RPL4: variants seen among roughly 807,000 people sequenced by gnomAD.
RPL4 encodes the protein large ribosomal subunit protein uL4.
A neutral mutation model predicts 47.7 loss-of-function variants in RPL4; 3 were observed. That is an observed-to-expected ratio of 0.06 (90% CI 0.03 to 0.16). The LOEUF is 0.16. Ranked by LOEUF, RPL4 falls within the 10% of genes least tolerant of loss-of-function variation. The pLI is 1.00. For synonymous variants in RPL4, 208 were observed against 182.1 expected (o/e 1.14, Z -1.15); for missense variants, 413 against 551.3 (o/e 0.75, Z 2.51).
At position 66,502,667 on chromosome 15, in the gene RPL4, G is replaced by A. The variant is rs746237677; in HGVS notation, c.366C>T (p.Tyr122=). The change falls in exon 4 of 10, where the codon TAC becomes TAT. Residue 122 remains tyrosine, a synonymous_variant. Transcript: ENST00000307961. ...AGGCAGCCAGGGCAGAACAGATGGC[G>A]TATCGTTTTTGGGTTGTGTTCACTC... ...HRRVNTTQKR[Y]AICSALAASA... 3.0e-5 allele frequency: 49 copies of A among 1,613,428 alleles called. No homozygotes were observed. Among genetic ancestry groups the A allele is most frequent in the Non-Finnish European group, 3.8e-5 (45 of 1,179,894 alleles).
chr15:66,504,648 C>T, intron 1 of RPL4, 140 bp downstream of exon 1: 2 of 1,268,430 alleles, frequency 1.6e-6, no homozygotes, highest in South Asian at 2.7e-5. Flanking sequence ...CATCCCAGTT[C>T]CACACCAGAA....
At chr15:66,500,614 TA>T in intron 7 of RPL4, 1 of 553,234 alleles carries the variant, frequency 1.8e-6, no homozygotes. Context: ...GCCAACATGG[TA>T]AAACCCCAAC....
chr15:66,503,301 T>C (rs367601765), intron 2 of RPL4, 57 bp downstream of exon 2: 5 of 1,603,388 alleles, frequency 3.1e-6, no homozygotes, highest in Non-Finnish European at 4.3e-6. Flanking sequence ...TGAAGTGGAA[T>C]TTCATCACTA....
At position 66,499,628 on chromosome 15, in the gene RPL4, C is replaced by G. The variant is rs371021623; in HGVS notation, c.1063G>C (p.Ala355Pro). 67 of 1,613,878 alleles carry G rather than the reference C, an allele frequency of 4.2e-5. No individual in the cohort carries two copies. Among genetic ancestry groups the G allele is most frequent in the Non-Finnish European group, 5.4e-5 (64 of 1,179,880 alleles). The change falls in exon 10 of 10, where the codon GCT becomes CCT. Residue 355 changes from alanine (A) to proline (P), a missense_variant. Coordinates refer to ENST00000307961, the MANE Select transcript of RPL4 (RefSeq NM_000968.4). ...RNHKLRVDKA[A>P]AAAAALQAKS... ...GCTTGTAGTGCCGCTGCTGCAGCAG[C>G]TGCCTTATCCACCCGGAGCTTGTGC...
chr15:66,499,982 C>T, intron 9 of RPL4, 74 bp downstream of exon 9: 2 of 1,572,098 alleles, frequency 1.3e-6, no homozygotes, highest in East Asian at 4.5e-5. Flanking sequence ...GAGATCACGC[C>T]ATTGCACTCC....
rs1209683546 is a variant in RPL4 at position 66,498,530 on chromosome 15, A to G, written c.*877T>C. On this transcript the variant is annotated 3_prime_UTR_variant, in exon 10 of 10. Coordinates refer to ENST00000307961, the MANE Select transcript of RPL4 (RefSeq NM_000968.4). The stretch of plus-strand genomic sequence containing the variant: ...AAAAAACACCCTTATATCTGGAGGC[A>G]TTTCATGGGTACTTCTTTTGAACAC... 6.6e-6 allele frequency: 1 copy of G among 151,672 alleles called. No individual in the cohort carries two copies. Among genetic ancestry groups the G allele is most frequent in the Non-Finnish European group, 1.5e-5 (1 of 67,900 alleles). 9.4% of individuals were successfully genotyped at this position (151,672 alleles called of 1,614,324 possible).
Position 66,502,753 on chromosome 15 carries a change from A to G in RPL4, c.283-3T>C. ...AACATTCGGCCTCCACGACACATCT[A>G]TTTTTCCAGTCAAGAATCACATTTC... On this transcript the variant is annotated splice_region_variant and splice_polypyrimidine_tract_variant and intron_variant, in intron 3 of 9. Transcript: ENST00000307961. 2.5e-6 allele frequency: 4 copies of G among 1,614,064 alleles called. No homozygotes were observed. The highest frequency in any genetic ancestry group is 3.4e-6 in the Non-Finnish European group (4 of 1,180,012).
rs755621640 is a variant in RPL4 at position 66,499,580 on chromosome 15, C to T, written c.1111G>A (p.Val371Ile). ...LQAKSDEKAA[V>I]AGKKPVVGKK... The stretch of plus-strand genomic sequence containing the variant: ...CCTACCACAGGCTTCTTGCCTGCAA[C>T]CGCCGCCTTCTCATCTGATTTGGCT... The change falls in exon 10 of 10, where the codon GTT becomes ATT. Residue 371 changes from valine to isoleucine, a missense_variant. Transcript: ENST00000307961. 5 of 1,613,840 alleles carry T rather than the reference C, an allele frequency of 3.1e-6. No individual in the cohort carries two copies. The Admixed American group carries it at 6.7e-5, about 22-fold the overall frequency.
At chr15:66,499,823 A>G in intron 9 of RPL4, 171 bp from the exon 10 acceptor site, 7 of 973,748 alleles carry the variant, frequency 7.2e-6, no homozygotes, top group Non-Finnish European at 1.0e-5. Flanking sequence ...CAGGAGTTTG[A>G]GACCAGCCTA....
chr15:66,500,036 CA>C lies in RPL4; in HGVS notation c.1038+19del. On this transcript the variant is annotated intron_variant, in intron 9 of 9. Transcript: ENST00000307961. ...AGATTCCGACTCAAAAACAAACAAA[CA>C]AACAAAAACTCCACTCACATTCCTG... The C allele has an allele frequency of 1.2e-6, 2 of 1,611,144 alleles. No individual in the cohort carries two copies. The highest frequency in any genetic ancestry group is 1.7e-6 in the Non-Finnish European group (2 of 1,179,580).
In RPL4 at chr15:66,500,352, A is replaced by G. The variant is rs1893585230; in HGVS notation, c.858T>C (p.Asn286=). 3 of 1,614,166 alleles carry G rather than the reference A, an allele frequency of 1.9e-6. No homozygotes were observed. Among genetic ancestry groups the G allele is most frequent in the Non-Finnish European group, 2.5e-6 (3 of 1,180,016 alleles). ...TTTTCAAGATTCTGCTAAGATCTGT[A>G]TTAATCATCTTGTGCATGGGAAGAC... The part of the protein sequence containing the change: ...NYNLPMHKMI[N]TDLSRILKSP... Residue 286 remains asparagine (N), a synonymous_variant, in exon 8 of 10, where the codon AAT becomes AAC. Transcript: ENST00000307961.
intron 8 of RPL4, 34 bp from the exon 9 acceptor site, chr15:66,500,210 C>T (rs766055127): frequency 6.2e-7 from 1 of 1,613,768 alleles, no homozygotes; most frequent in Non-Finnish European, 8.5e-7. Context: ...CAACATTTTA[C>T]TTAACATTAT....
intron 1 of RPL4, among the ~76,000 whole-genome samples, chr15:66,504,413 A>G (rs1048700372): frequency 2.6e-5 from 4 of 152,230 alleles, no homozygotes; most frequent in African/African-American, 9.6e-5. Flanking sequence ...AAAGATTTTG[A>G]TAACACCGAA....
chr15:66,501,312 A>T (rs755648741), intron 6 of RPL4, 63 bp downstream of exon 6: 2 of 1,609,424 alleles, frequency 1.2e-6, no homozygotes, highest in East Asian at 2.2e-5. Flanking sequence ...GAATCTCATC[A>T]TAACAAAAGC....
chr15:66,504,605 C>T (rs1893714461), intron 1 of RPL4, among the ~76,000 whole-genome samples, 183 bp downstream of exon 1: 1 of 152,188 alleles, frequency 6.6e-6, no homozygotes, highest in Non-Finnish European at 1.5e-5. Flanking sequence ...GGGAACCCCA[C>T]GTTGCCTCTA....
Position 66,500,100 on chromosome 15 carries a change from C to A in RPL4, c.994G>T (p.Ala332Ser). 1 of 1,612,544 alleles carries A rather than the reference C, an allele frequency of 6.2e-7. No homozygotes were observed. The highest frequency in any genetic ancestry group is 8.5e-7 in the Non-Finnish European group (1 of 1,179,862). The change falls in exon 9 of 10, where the codon GCA becomes TCA. Residue 332 changes from alanine (A) to serine (S), a missense_variant. Physicochemically the swap from Ala to Ser is moderately conservative, Grantham distance 99. Around this residue, in one of 4 missense-constraint regions of RPL4, gnomAD observed 134 missense variants for 122.7 expected, o/e 1.09. Coordinates refer to ENST00000307961, the MANE Select transcript of RPL4 (RefSeq NM_000968.4). ...LRIMLKLNPY[A>S]KTMRRNTILR... ...ATGGTGTTCCGGCGCATGGTCTTTG[C>A]ATATGGGTTTAGCTTCAACATGATT...
intron 9 of RPL4, 76 bp from the exon 10 acceptor site, chr15:66,499,728 AAAC>A: frequency 6.3e-7 from 1 of 1,588,250 alleles, no homozygotes; most frequent in Non-Finnish European, 8.6e-7. Context: ...AGAAAAACAA[AAAC>A]AAAACAAACC....
intron 4 of RPL4, chr15:66,502,303 G>T: frequency 5.2e-6 from 2 of 386,314 alleles, no homozygotes; most frequent in Non-Finnish European, 9.4e-6. Flanking sequence ...TTTTAACAAA[G>T]GTTCACGTGA....
Position 66,499,460 on chromosome 15 carries a change from T to A in RPL4, c.1231A>T (p.Lys411Ter), listed in dbSNP as rs1893555113. 1 of 1,611,966 alleles carries A rather than the reference T, an allele frequency of 6.2e-7. No individual in the cohort carries two copies. The highest frequency in any genetic ancestry group is 8.5e-7 in the Non-Finnish European group (1 of 1,179,848). Reference protein sequence around the residue: ...AAATKKPAPEKKPAEKKPTTE... With the variant: ...AAATKKPAPE ...GTAGGTTTCTTCTCTGCAGGCTTCT[T>A]TTCAGGGGCTGGTTTCTTGGTAGCT... The change falls in exon 10 of 10, where the codon AAG (lysine) becomes TAG (stop). Residue 411 changes from lysine to a stop codon, truncating the protein, a stop_gained. Coordinates refer to ENST00000307961, the MANE Select transcript of RPL4 (RefSeq NM_000968.4). LOFTEE classifies it high-confidence loss of function.
Sources: gnomAD v4.1 joint callset for allele counts (sites outside exome capture counted in the v4.1 genomes callset) on GRCh38, gnomAD v4.1.1 for gene constraint, gnomAD v4.1.1 regional missense constraint, MANE v1.5 for transcripts, NCBI Gene and HGNC (gene_info 2026-07-23, HGNC 2026-07-21) for gene names.